Variants in GABRG3 observed in about 807,000 individuals in gnomAD.
GABRG3 encodes the protein gamma-aminobutyric acid type A receptor subunit gamma3.
Under a neutral mutation model 48.8 loss-of-function variants are expected in GABRG3, and 25 were observed. That is an observed-to-expected ratio of 0.51 (90% confidence interval 0.37 to 0.72). The LOEUF (loss-of-function observed/expected upper bound fraction) is 0.72. GABRG3 is among the 30% of genes least tolerant of loss of function. The pLI is 0.00. For missense variants in GABRG3, 394 were observed against 577.9 expected (o/e 0.68, Z 3.26); for synonymous variants, 227 against 217.6 (o/e 1.04, Z -0.38).
At position 27,307,936 on chromosome 15, in the gene GABRG3, T is replaced by C. The variant is rs929545151; in HGVS notation, c.271-18873T>C. On this transcript the variant is annotated intron_variant, in intron 3 of 9. Coordinates refer to ENST00000615808, the MANE Select transcript of GABRG3 (RefSeq NM_033223.5). ...GTTTATATATAAACATATGCTTGTA[T>C]ATAAACATATATGTAAAATAAACAT... is the stretch of plus-strand genomic sequence containing the variant. Among the ~76,000 whole-genome samples, 121 of 133,952 alleles carry C rather than the reference T, an allele frequency of 9.0e-4. 4 individuals carry two copies. The highest frequency in any genetic ancestry group is 3.1e-3 in the African/African-American group (115 of 37,638). The allele number at this position is 133,952 out of a possible 152,430, so 87.9% of individuals were successfully genotyped here. A position where few individuals can be genotyped will look rare whatever the true frequency, so the allele number is the denominator to read the frequency against.
At chr15:27,216,743 T>TTTATAA (rs1555410281) in intron 3 of GABRG3, among the ~76,000 whole-genome samples, 1 of 100,170 alleles carries the variant, frequency 1.0e-5, no homozygotes, top group Non-Finnish European at 2.0e-5. Flanking sequence ...CTTTTTTTTT[T>TTTATAA]TTTATTTTTT....
chr15:27,340,617 C>T (rs908657347), intron 5 of GABRG3: 1 of 153,960 alleles, frequency 6.5e-6, no homozygotes, highest in East Asian at 1.9e-4. Context: ...GGTCAGAAAA[C>T]CTTCATGTTT....
chr15:27,318,009 A>G (rs1471217622), intron 3 of GABRG3, among the ~76,000 whole-genome samples: 5 of 152,200 alleles, frequency 3.3e-5, no homozygotes, highest in Non-Finnish European at 5.9e-5. Flanking sequence ...CCATTCTTCA[A>G]GGCTACAAAA....
chr15:27,094,696 G>A (rs554577176), intron 3 of GABRG3, among the ~76,000 whole-genome samples: 3 of 152,216 alleles, frequency 2.0e-5, no homozygotes, highest in African/African-American at 7.2e-5. Context: ...GGTGGAGAGT[G>A]TAGGACATAA....
chr15:27,143,375 TGGCTGG>T (rs2140391210), intron 3 of GABRG3, among the ~76,000 whole-genome samples: 1 of 152,356 alleles, frequency 6.6e-6, no homozygotes, highest in Non-Finnish European at 1.5e-5. Flanking sequence ...CTACCATATC[TGGCTGG>T]GTTTCTTATA....
At chr15:27,105,933 A>G (rs1436065131) in intron 3 of GABRG3, among the ~76,000 whole-genome samples, 1 of 152,128 alleles carries the variant, frequency 6.6e-6, no homozygotes, top group Non-Finnish European at 1.5e-5. Context: ...ACAATGCAAT[A>G]TTATTCAGAC....
chr15:27,002,636 A>G (rs1184854457), intron 2 of GABRG3, among the ~76,000 whole-genome samples: 1 of 151,172 alleles, frequency 6.6e-6, no homozygotes, highest in African/African-American at 2.4e-5. Flanking sequence ...GCAGCTGGAC[A>G]TGGGGCTCAT....
chr15:27,101,205 A>G (rs1463882011), intron 3 of GABRG3, among the ~76,000 whole-genome samples: 1 of 152,248 alleles, frequency 6.6e-6, no homozygotes, highest in Non-Finnish European at 1.5e-5. Context: ...AATAGTTTTT[A>G]CAGTTGCTTC....
chr15:27,321,247 G>C (rs1319022602), intron 3 of GABRG3, among the ~76,000 whole-genome samples: 1 of 152,194 alleles, frequency 6.6e-6, no homozygotes, highest in East Asian at 1.9e-4. Context: ...GTCCTCAGGG[G>C]TGTTAGTCTT....
At position 27,484,816 on chromosome 15, in the gene GABRG3, A is replaced by G. The variant is rs116499228; in HGVS notation, c.712+4029A>G. 3.6e-3 allele frequency among the ~76,000 whole-genome samples: 550 copies of G among 152,356 alleles called. 7 individuals are homozygous for G. The highest frequency in any genetic ancestry group is 0.013 in the African/African-American group (545 of 41,586). ...AAAGATATCACAATGGTCAAAGCTA[A>G]AAATGTGAGCAGCAAGATAAATACA... On this transcript the variant is annotated intron_variant, in intron 6 of 9. Transcript: ENST00000615808.
At chr15:27,022,146 C>A (rs1360220682) in intron 2 of GABRG3, among the ~76,000 whole-genome samples, 5 of 152,146 alleles carry the variant, frequency 3.3e-5, no homozygotes, top group Admixed American at 2.6e-4. Context: ...CCTTTTCTTC[C>A]CCCTCTCCTC....
chr15:27,345,758 T>C (rs1185088204), intron 5 of GABRG3, among the ~76,000 whole-genome samples: 1 of 152,140 alleles, frequency 6.6e-6, no homozygotes, highest in African/African-American at 2.4e-5. Flanking sequence ...TTTTTGTTTG[T>C]ATGAGAAACT....
At chr15:27,183,047 C>T (rs1887982387) in intron 3 of GABRG3, among the ~76,000 whole-genome samples, 1 of 152,038 alleles carries the variant, frequency 6.6e-6, no homozygotes, top group African/African-American at 2.4e-5. Context: ...CGAGAAGAGC[C>T]TTAGGTGGTT....
chr15:27,249,178 C>T (rs768810422), intron 3 of GABRG3, among the ~76,000 whole-genome samples: 1 of 152,144 alleles, frequency 6.6e-6, no homozygotes, highest in Non-Finnish European at 1.5e-5. Flanking sequence ...CTGGAAGCTG[C>T]GTCCCGGCCA....
chr15:27,373,417 C>T (rs1235331423), intron 5 of GABRG3, among the ~76,000 whole-genome samples: 2 of 152,086 alleles, frequency 1.3e-5, no homozygotes, highest in Non-Finnish European at 2.9e-5. Context: ...TAGATACAAA[C>T]CTAGTAAATC....
At chr15:27,214,177 C>CA (rs1489580493) in intron 3 of GABRG3, among the ~76,000 whole-genome samples, 1 of 152,160 alleles carries the variant, frequency 6.6e-6, no homozygotes, top group Non-Finnish European at 1.5e-5. Flanking sequence ...GCTGTGAAGA[C>CA]AGAAGGCATT....
chr15:27,138,708 G>C (rs1178279865), intron 3 of GABRG3, among the ~76,000 whole-genome samples: 1 of 152,048 alleles, frequency 6.6e-6, no homozygotes, highest in African/African-American at 2.4e-5. Flanking sequence ...TCCATTGTAG[G>C]GTGGAAAATT....
At chr15:27,255,326 C>T (rs1009001735) in intron 3 of GABRG3, among the ~76,000 whole-genome samples, 2 of 152,206 alleles carry the variant, frequency 1.3e-5, no homozygotes, top group Non-Finnish European at 1.5e-5. Flanking sequence ...AAGGGTGGTA[C>T]AGTCAGTGCC....
intron 3 of GABRG3, among the ~76,000 whole-genome samples, chr15:27,208,961 A>C (rs1006899786): frequency 2.6e-5 from 4 of 152,186 alleles, no homozygotes; most frequent in African/African-American, 9.7e-5. Context: ...GAAAAAAGAG[A>C]GCAAGAAACT....
Sources: gnomAD v4.1 joint callset for allele counts (sites outside exome capture counted in the v4.1 genomes callset) on GRCh38, gnomAD v4.1.1 for gene constraint, MANE v1.5 for transcripts, NCBI Gene and HGNC (gene_info 2026-07-23, HGNC 2026-07-21) for gene names.